Variants in TRABD2B observed in about 807,000 individuals in gnomAD.
TRABD2B encodes metalloprotease TIKI2.
In TRABD2B, 14 loss-of-function variants were observed where a neutral mutation model predicts 40.1. That is an observed-to-expected ratio of 0.35 (90% CI 0.23 to 0.55). The LOEUF (loss-of-function observed/expected upper bound fraction) is 0.55. Among genes scored for constraint, TRABD2B ranks in the 20% least tolerant of loss-of-function variants. The pLI is 0.90. For missense variants in TRABD2B, 541 were observed against 648.6 expected, an observed-to-expected ratio of 0.83 and a Z score of 1.80; for synonymous variants, 263 against 277.0, an observed-to-expected ratio of 0.95 and a Z score of 0.50.
chr1:47,854,611 T>A (rs886128928), intron 2 of TRABD2B, among the ~76,000 whole-genome samples: 1 of 152,144 alleles, frequency 6.6e-6, no homozygotes, highest in African/African-American at 2.4e-5. Flanking sequence ...CAAGTAATAA[T>A]GACACTAACG....
chr1:47,778,720 C>A (rs1644481265), intron 4 of TRABD2B, among the ~76,000 whole-genome samples, 176 bp from the exon 5 acceptor site: 1 of 152,198 alleles, frequency 6.6e-6, no homozygotes, highest in African/African-American at 2.4e-5. Context: ...CTGGTGCCAC[C>A]CTGCCTGGGT....
intron 2 of TRABD2B, among the ~76,000 whole-genome samples, chr1:47,993,357 C>A (rs1395938994): frequency 6.6e-6 from 1 of 152,136 alleles, no homozygotes; most frequent in Non-Finnish European, 1.5e-5. Context: ...CCTCTTAAGC[C>A]CCTCCCTTCT....
intron 2 of TRABD2B, among the ~76,000 whole-genome samples, chr1:47,962,196 C>G (rs1157040076): frequency 1.3e-5 from 2 of 150,754 alleles, no homozygotes; most frequent in Non-Finnish European, 2.9e-5. Context: ...GGGAACATCA[C>G]ACGCCGGGGC....
intron 3 of TRABD2B, among the ~76,000 whole-genome samples, chr1:47,800,604 A>AC (rs1644809556): frequency 6.6e-6 from 1 of 152,230 alleles, no homozygotes; most frequent in Non-Finnish European, 1.5e-5. Flanking sequence ...CAATGTCCTG[A>AC]GCAGGGAAGT....
At chr1:47,895,641 C>A (rs1347033971) in intron 2 of TRABD2B, among the ~76,000 whole-genome samples, 1 of 152,200 alleles carries the variant, frequency 6.6e-6, no homozygotes, top group Non-Finnish European at 1.5e-5. Flanking sequence ...CTGCAGGGCC[C>A]AAGGTGGCAG....
At chr1:47,880,551 G>A (rs1030015794) in intron 2 of TRABD2B, among the ~76,000 whole-genome samples, 6 of 152,232 alleles carry the variant, frequency 3.9e-5, no homozygotes, top group Non-Finnish European at 5.9e-5. Context: ...CAGGGGCTAT[G>A]AGAGAACAGA....
intron 2 of TRABD2B, among the ~76,000 whole-genome samples, chr1:47,889,293 A>G (rs1431915657): frequency 6.6e-6 from 1 of 152,196 alleles, no homozygotes; most frequent in Non-Finnish European, 1.5e-5. Context: ...GCAGAAGCCG[A>G]ATGTCCTTGG....
intron 2 of TRABD2B, among the ~76,000 whole-genome samples, chr1:47,914,773 G>C (rs1434935432): frequency 3.3e-5 from 5 of 152,234 alleles, no homozygotes; most frequent in Non-Finnish European, 5.9e-5. Context: ...GGTAGAGGAT[G>C]GAGATGGAGT....
At chr1:47,953,713 A>T (rs1220150502) in intron 2 of TRABD2B, among the ~76,000 whole-genome samples, 1 of 152,242 alleles carries the variant, frequency 6.6e-6, no homozygotes, top group Non-Finnish European at 1.5e-5. Flanking sequence ...TGCTATATGG[A>T]TTAATGAAAT....
At chr1:47,946,599 T>C (rs1340848058) in intron 2 of TRABD2B, among the ~76,000 whole-genome samples, 3 of 152,230 alleles carry the variant, frequency 2.0e-5, no homozygotes, top group African/African-American at 4.8e-5. Context: ...GGTCATATTG[T>C]ATTATCCTTT....
At chr1:47,922,320 C>T (rs891476918) in intron 2 of TRABD2B, among the ~76,000 whole-genome samples, 32 of 152,168 alleles carry the variant, frequency 2.1e-4, no homozygotes, top group Admixed American at 9.8e-4. Flanking sequence ...GCCAAGAGCA[C>T]GACTGAGTGG....
At chr1:47,838,678 C>A (rs1645351795) in intron 2 of TRABD2B, among the ~76,000 whole-genome samples, 1 of 152,190 alleles carries the variant, frequency 6.6e-6, no homozygotes, top group Non-Finnish European at 1.5e-5. Context: ...GCAGTGTAAA[C>A]CACAAATGGT....
At chr1:47,847,011 C>T (rs1645481478) in intron 2 of TRABD2B, among the ~76,000 whole-genome samples, 1 of 152,052 alleles carries the variant, frequency 6.6e-6, no homozygotes, top group South Asian at 2.1e-4. Flanking sequence ...TTATGGTGTG[C>T]AGGGATCCTC....
intron 2 of TRABD2B, among the ~76,000 whole-genome samples, chr1:47,958,729 C>A (rs1645463162): frequency 1.3e-5 from 2 of 152,164 alleles, no homozygotes; most frequent in Non-Finnish European, 2.9e-5. Flanking sequence ...TAGAGACCTA[C>A]AAAGAGACTT....
chr1:47,920,188 G>C (rs1570288218), intron 2 of TRABD2B, among the ~76,000 whole-genome samples: 1 of 152,174 alleles, frequency 6.6e-6, no homozygotes, highest in East Asian at 1.9e-4. Context: ...GTACTCAGTG[G>C]CTCTGTGAAT....
intron 2 of TRABD2B, among the ~76,000 whole-genome samples, chr1:47,990,204 T>G (rs575014971): frequency 2.6e-5 from 4 of 152,212 alleles, no homozygotes; most frequent in African/African-American, 4.8e-5. Context: ...AAGTACAGAA[T>G]AGCAGAGTCC....
At chr1:47,806,666 T>A (rs76817806) in intron 2 of TRABD2B, among the ~76,000 whole-genome samples, 3,105 of 152,198 alleles carry the variant, frequency 0.02, 45 homozygotes, top group Middle Eastern at 0.041. Flanking sequence ...ATCTGCTGAA[T>A]GTAGGCCCAG....
rs192810089 is a variant in TRABD2B, at chr1:47,959,042, C to G, written c.666+34992G>C. On this transcript the variant is annotated intron_variant, in intron 2 of 6. Coordinates refer to ENST00000606738, the MANE Select transcript of TRABD2B (RefSeq NM_001194986.2). Reference sequence around the variant, plus strand: ...AGACCACAGTGCAATCAAACTAGAGCTCAGGATTAAAAAACTCACTCAAAA... The same window carrying G: ...AGACCACAGTGCAATCAAACTAGAGGTCAGGATTAAAAAACTCACTCAAAA... 2.0e-3 allele frequency among the ~76,000 whole-genome samples: 298 copies of G among 152,224 alleles called. 1 individual carries two copies. The highest frequency in any genetic ancestry group is 1.3e-3 in the East Asian group (7 of 5,186).
intron 2 of TRABD2B, among the ~76,000 whole-genome samples, chr1:47,941,327 TACACACACCCATGC>T (rs1188162629): frequency 6.6e-6 from 1 of 152,150 alleles, no homozygotes; most frequent in East Asian, 1.9e-4. Context: ...CACGTGCATG[TACACACACCCATGC>T]ACACACATAC....
Sources: gnomAD v4.1 joint callset for allele counts (sites outside exome capture counted in the v4.1 genomes callset) on GRCh38, gnomAD v4.1.1 for gene constraint, MANE v1.5 for transcripts, NCBI Gene and HGNC (gene_info 2026-07-23, HGNC 2026-07-21) for gene names.